REDIC1: variants seen among roughly 807,000 people sequenced by gnomAD.
REDIC1 encodes the protein regulator of DNA class I crossover intermediates 1, also known as HEI10 Interacting Protein 1.
At chr12:39,711,607 G>A in the REDIC1 span, among the ~76,000 whole-genome samples, 2 of 110,096 alleles carry the variant, frequency 1.8e-5, no homozygotes, top group African/African-American at 3.1e-5. Flanking sequence ...GTATACACAT[G>A]CATGTGTATG....
At chr12:39,764,574 A>G in the REDIC1 span, 1 of 1,608,942 alleles carries the variant, frequency 6.2e-7, no homozygotes, top group East Asian at 2.2e-5. Context: ...CAAAGGGGAT[A>G]TATTTCAGAA....
chr12:39,675,444 C>A, the REDIC1 span, among the ~76,000 whole-genome samples: 1 of 152,288 alleles, frequency 6.6e-6, no homozygotes, highest in Non-Finnish European at 1.5e-5. Context: ...CTTGCATACC[C>A]CTTCTACTAC....
At chr12:39,872,182 C>T in the REDIC1 span, among the ~76,000 whole-genome samples, 3 of 152,082 alleles carry the variant, frequency 2.0e-5, no homozygotes, top group African/African-American at 4.8e-5. Flanking sequence ...AGAAAAGGCA[C>T]CTGAGCAAGT....
the REDIC1 span, among the ~76,000 whole-genome samples, chr12:39,652,931 T>G: frequency 6.6e-6 from 1 of 152,140 alleles, no homozygotes; most frequent in Non-Finnish European, 1.5e-5. Context: ...TACTGTAGCT[T>G]TATTGTTAGT....
the REDIC1 span, among the ~76,000 whole-genome samples, chr12:39,866,532 G>C: frequency 6.6e-6 from 1 of 151,954 alleles, no homozygotes; most frequent in Admixed American, 6.6e-5. Flanking sequence ...TGGTTGGAGT[G>C]CAGTGGCGCG....
the REDIC1 span, among the ~76,000 whole-genome samples, chr12:39,647,176 T>A: frequency 1.3e-5 from 2 of 152,066 alleles, no homozygotes; most frequent in African/African-American, 4.8e-5. Context: ...GGATTCTTAC[T>A]TTGGGTTCAC....
At chr12:39,641,587 T>G in the REDIC1 span, among the ~76,000 whole-genome samples, 1 of 151,644 alleles carries the variant, frequency 6.6e-6, no homozygotes, top group African/African-American at 2.4e-5. Flanking sequence ...TTAAACAAAT[T>G]ATGGCATATG....
chr12:39,771,810 G>A, the REDIC1 span, among the ~76,000 whole-genome samples: 7 of 152,218 alleles, frequency 4.6e-5, no homozygotes, highest in East Asian at 5.8e-4. Context: ...AAAATGGCCT[G>A]CAAAATGTGG....
chr12:39,854,362 T>C, the REDIC1 span, among the ~76,000 whole-genome samples: 1 of 152,168 alleles, frequency 6.6e-6, no homozygotes, highest in Non-Finnish European at 1.5e-5. Flanking sequence ...AAACTATTAT[T>C]ATTTTAAAAT....
At chr12:39,790,308 G>A in the REDIC1 span, among the ~76,000 whole-genome samples, 3 of 150,114 alleles carry the variant, frequency 2.0e-5, no homozygotes. Flanking sequence ...CTGTGCTGGT[G>A]CGCTGCACCC....
At chr12:39,819,473 G>A in the REDIC1 span, among the ~76,000 whole-genome samples, 2 of 151,976 alleles carry the variant, frequency 1.3e-5, no homozygotes, top group Non-Finnish European at 2.9e-5. Flanking sequence ...TATTTATCAA[G>A]CCTTCCATTA....
the REDIC1 span, among the ~76,000 whole-genome samples, chr12:39,894,906 A>C: frequency 1.3e-5 from 2 of 152,234 alleles, no homozygotes; most frequent in Non-Finnish European, 2.9e-5. Flanking sequence ...TCGGATGCTT[A>C]CAAGAATTGT....
the REDIC1 span, among the ~76,000 whole-genome samples, chr12:39,865,638 A>C: frequency 2.0e-5 from 3 of 152,210 alleles, no homozygotes; most frequent in Non-Finnish European, 2.9e-5. Context: ...TGTGAGGGTA[A>C]ACGAAAAGGG....
the REDIC1 span, among the ~76,000 whole-genome samples, chr12:39,704,221 T>G: frequency 2.6e-5 from 4 of 151,308 alleles, no homozygotes; most frequent in African/African-American, 9.7e-5. Context: ...TCCAACAAAT[T>G]TACAAGAAAA....
At chr12:39,897,268 T>C in the REDIC1 span, among the ~76,000 whole-genome samples, 1 of 152,140 alleles carries the variant, frequency 6.6e-6, no homozygotes, top group South Asian at 2.1e-4. Context: ...TCAAACAGTT[T>C]AAAAGAACGT....
chr12:39,834,735 C>A, the REDIC1 span, among the ~76,000 whole-genome samples: 1 of 151,960 alleles, frequency 6.6e-6, no homozygotes, highest in Non-Finnish European at 1.5e-5. Context: ...GGAGGAAAGA[C>A]AAGATTTCCT....
the REDIC1 span, among the ~76,000 whole-genome samples, chr12:39,851,416 C>T: frequency 6.6e-6 from 1 of 152,134 alleles, no homozygotes; most frequent in African/African-American, 2.4e-5. Flanking sequence ...TGACTCTTAA[C>T]TGACAATAAC....
At chr12:39,832,408 A>T in the REDIC1 span, among the ~76,000 whole-genome samples, 1 of 152,168 alleles carries the variant, frequency 6.6e-6, no homozygotes, top group Non-Finnish European at 1.5e-5. Context: ...GAAAATATGT[A>T]GTCCCTAGAA....
At chr12:39,873,146 C>T in the REDIC1 span, among the ~76,000 whole-genome samples, 1 of 152,042 alleles carries the variant, frequency 6.6e-6, no homozygotes. Context: ...AAAGTGTTTT[C>T]CTTTTTTAAA....
Sources: allele counts gnomAD v4.1 joint callset (sites outside exome capture counted in the v4.1 genomes callset), GRCh38; gene constraint gnomAD v4.1.1; transcripts MANE v1.5; gene names NCBI Gene and HGNC (gene_info 2026-07-23, HGNC 2026-07-21).